Variants in QKI observed in about 807,000 individuals in gnomAD.
QKI encodes QKI, KH domain containing RNA binding.
In QKI, 10 loss-of-function variants were observed where a neutral mutation model predicts 39.0. That is an observed-to-expected ratio of 0.26 (90% CI 0.16 to 0.43). The LOEUF (loss-of-function observed/expected upper bound fraction) is 0.43. Among genes scored for constraint, QKI ranks in the 20% least tolerant of loss-of-function variants. The probability of loss-of-function intolerance (pLI) is 1.00; values close to 1 mark genes in which losing one functional copy is unlikely to be tolerated. For missense variants in QKI, 218 were observed against 428.0 expected, an observed-to-expected ratio of 0.51 and a Z score of 4.33; for synonymous variants, 204 against 155.4, an observed-to-expected ratio of 1.31 and a Z score of -2.33.
chr6:163,504,551 T>C (rs769522026), intron 3 of QKI, among the ~76,000 whole-genome samples: 38 of 152,232 alleles, frequency 2.5e-4, no homozygotes, highest in Non-Finnish European at 4.3e-4. Context: ...TGTTTTGTTT[T>C]GTAGTTCTCC....
chr6:163,528,011 G>A (rs1270995046), intron 3 of QKI, among the ~76,000 whole-genome samples: 1 of 152,090 alleles, frequency 6.6e-6, no homozygotes, highest in African/African-American at 2.4e-5. Flanking sequence ...TAGGGAGAAA[G>A]CATTTTTCTC....
At chr6:163,470,559 T>C (rs1159085414) in intron 2 of QKI, among the ~76,000 whole-genome samples, 1 of 152,132 alleles carries the variant, frequency 6.6e-6, no homozygotes, top group African/African-American at 2.4e-5. Flanking sequence ...GGAGACAAGA[T>C]GACATTAACA....
chr6:163,415,777 C>G, intron 1 of QKI: 1 of 337,032 alleles, frequency 3.0e-6, no homozygotes, highest in Non-Finnish European at 5.8e-6. Context: ...GCTCGGCCTC[C>G]CGAGCCTGCT....
At chr6:163,416,511 T>C (rs2099859933) in intron 1 of QKI, 1 of 152,200 alleles carries the variant, frequency 6.6e-6, no homozygotes, top group South Asian at 2.1e-4. Context: ...CAATGGAGTT[T>C]AGATTTTTCG....
chr6:163,549,182 G>A (rs1782070815), intron 4 of QKI, among the ~76,000 whole-genome samples: 2 of 152,146 alleles, frequency 1.3e-5, no homozygotes, highest in Admixed American at 6.5e-5. Flanking sequence ...CCAGAGAAAT[G>A]TGGGAGGAGA....
chr6:163,570,802 C>T lies in QKI; in HGVS notation c.*92C>T. ...GTTAACTGGTAATCGCCTTTGCTTGCCTGTCGTCAGTGCAGCGAGCTGAGG... is the reference window on the plus strand; with the variant it reads ...GTTAACTGGTAATCGCCTTTGCTTGTCTGTCGTCAGTGCAGCGAGCTGAGG... On this transcript the variant is annotated 3_prime_UTR_variant, in exon 8 of 8. Transcript: ENST00000361752. 1 of 1,533,290 alleles carries T rather than the reference C, an allele frequency of 6.5e-7. No individual in the cohort carries two copies. The allele number at this position is 1,533,290 out of a possible 1,614,324, so 95.0% of individuals were successfully genotyped here. A position where few individuals can be genotyped will look rare whatever the true frequency, so the allele number is the denominator to read the frequency against.
chr6:163,503,520 C>G (rs1778911088), intron 3 of QKI, among the ~76,000 whole-genome samples: 1 of 151,324 alleles, frequency 6.6e-6, no homozygotes, highest in South Asian at 2.1e-4. Context: ...TGTAGGTTGT[C>G]TGTTTACTGT....
At chr6:163,449,770 T>C (rs543872376) in intron 1 of QKI, among the ~76,000 whole-genome samples, 1 of 152,214 alleles carries the variant, frequency 6.6e-6, no homozygotes, top group South Asian at 2.1e-4. Context: ...TTTGATTCTT[T>C]GGCTTTCCAA....
In QKI at chr6:163,501,728, T is replaced by G. The variant is rs147533112; in HGVS notation, c.402+22832T>G. On this transcript the variant is annotated intron_variant, in intron 3 of 7. Transcript: ENST00000361752. Reference sequence around the variant, plus strand: ...ATTGTGTATTTTGGTGATAAGGGATTGTGCCAGAATGGCTGTTAATTACGT... The same window carrying G: ...ATTGTGTATTTTGGTGATAAGGGATGGTGCCAGAATGGCTGTTAATTACGT... Among the ~76,000 whole-genome samples, 5 of 152,344 alleles carry G rather than the reference T, an allele frequency of 3.3e-5. No individual in the cohort carries two copies. In the East Asian group the frequency reaches 9.6e-4, roughly 29 times the overall value.
intron 4 of QKI, among the ~76,000 whole-genome samples, chr6:163,561,413 C>G (rs766750036): frequency 6.6e-6 from 1 of 151,918 alleles, no homozygotes; most frequent in South Asian, 2.1e-4. Flanking sequence ...TTGAGACCAG[C>G]CTGGGCTACA....
chr6:163,497,435 A>G (rs1361770664), intron 3 of QKI, among the ~76,000 whole-genome samples: 2 of 152,104 alleles, frequency 1.3e-5, no homozygotes, highest in Non-Finnish European at 2.9e-5. Context: ...TAAAAATGAA[A>G]AATTCACATT....
At chr6:163,453,020 G>T (rs895173067) in intron 1 of QKI, among the ~76,000 whole-genome samples, 2 of 151,914 alleles carry the variant, frequency 1.3e-5, no homozygotes, top group Non-Finnish European at 2.9e-5. Context: ...GAGCCACTGC[G>T]CCCGGCACGT....
At chr6:163,526,085 T>C (rs929197971) in intron 3 of QKI, among the ~76,000 whole-genome samples, 2 of 152,192 alleles carry the variant, frequency 1.3e-5, no homozygotes, top group Non-Finnish European at 2.9e-5. Context: ...TCCATACTTC[T>C]TGAAACTTTT....
intron 1 of QKI, among the ~76,000 whole-genome samples, chr6:163,432,397 C>CT (rs1562426804): frequency 0.022 from 3,284 of 148,568 alleles, 111 homozygotes; most frequent in African/African-American, 0.077. Context: ...AAATCCCCCC[C>CT]CTTTTTTTTT....
intron 3 of QKI, among the ~76,000 whole-genome samples, chr6:163,480,712 T>C (rs1046989571): frequency 3.9e-5 from 6 of 152,206 alleles, no homozygotes; most frequent in Non-Finnish European, 8.8e-5. Flanking sequence ...AGTGATAATC[T>C]TTTCAAATGA....
Position 163,420,979 on chromosome 6 carries a change from C to T in QKI, c.142+5644C>T, listed in dbSNP as rs984429285. 2.0e-4 allele frequency among the ~76,000 whole-genome samples: 30 copies of T among 152,296 alleles called. 1 individual carries two copies. Among genetic ancestry groups the T allele is most frequent in the African/African-American group, 7.0e-4 (29 of 41,566 alleles). Reference sequence around the variant, plus strand: ...TGCCTACCTTAGAGCCTGGCATACACTTCTCAGATGTTTGTTGAATTAAAC... The same window carrying T: ...TGCCTACCTTAGAGCCTGGCATACATTTCTCAGATGTTTGTTGAATTAAAC... On this transcript the variant is annotated intron_variant, in intron 1 of 7. Transcript: ENST00000361752.
At chr6:163,505,563 T>C (rs1227464595) in intron 3 of QKI, among the ~76,000 whole-genome samples, 1 of 152,192 alleles carries the variant, frequency 6.6e-6, no homozygotes, top group Non-Finnish European at 1.5e-5. Context: ...CTTTAAGATC[T>C]AATGACTGCC....
chr6:163,554,329 C>T (rs1307282923), intron 4 of QKI, among the ~76,000 whole-genome samples: 1 of 152,204 alleles, frequency 6.6e-6, no homozygotes, highest in Non-Finnish European at 1.5e-5. Context: ...TTTACACCCA[C>T]ACTATGCCTC....
intron 3 of QKI, among the ~76,000 whole-genome samples, chr6:163,491,884 T>G (rs16895056): frequency 6.6e-6 from 1 of 152,200 alleles, no homozygotes; most frequent in East Asian, 1.9e-4. Context: ...GCCATAGATA[T>G]AACTCCAGGA....
Sources: allele counts gnomAD v4.1 joint callset (sites outside exome capture counted in the v4.1 genomes callset), GRCh38; gene constraint gnomAD v4.1.1; transcripts MANE v1.5; gene names NCBI Gene and HGNC (gene_info 2026-07-23, HGNC 2026-07-21).